Variants in KIAA1958 observed in about 807,000 individuals in gnomAD.
KIAA1958 encodes KIAA1958.
KIAA1958 carries 14 observed loss-of-function variants against 47.2 expected under a neutral mutation model. That is an observed-to-expected ratio of 0.30 (90% CI 0.20 to 0.46). The LOEUF is 0.46. Ranked by LOEUF, KIAA1958 falls within the 20% of genes least tolerant of loss-of-function variation. KIAA1958 has a pLI of 1.00. For missense variants in KIAA1958, 803 were observed against 909.2 expected (o/e 0.88, Z 1.50); for synonymous variants, 354 against 353.3 (o/e 1.00, Z -0.02).
At chr9:112,560,040 T>A (rs1003939275) in intron 1 of KIAA1958, among the ~76,000 whole-genome samples, 2 of 151,964 alleles carry the variant, frequency 1.3e-5, no homozygotes, top group Admixed American at 1.3e-4. Context: ...AATTTTGAGG[T>A]ATTTATAAGT....
At chr9:112,623,489 T>G (rs2131221604) in intron 2 of KIAA1958, among the ~76,000 whole-genome samples, 1 of 152,332 alleles carries the variant, frequency 6.6e-6, no homozygotes, top group African/African-American at 2.4e-5. Context: ...CTGTAGACCC[T>G]CTGAAGTTAT....
At chr9:112,518,700 A>T (rs897809042) in intron 1 of KIAA1958, among the ~76,000 whole-genome samples, 1 of 152,308 alleles carries the variant, frequency 6.6e-6, no homozygotes, top group East Asian at 1.9e-4. Context: ...CAAATTGTAC[A>T]TTTAAAATAT....
chr9:112,521,248 G>C (rs1028643504), intron 1 of KIAA1958, among the ~76,000 whole-genome samples: 1 of 152,186 alleles, frequency 6.6e-6, no homozygotes, highest in East Asian at 1.9e-4. Context: ...TTGCTCTGTT[G>C]CCCAGGCTGG....
At chr9:112,538,081 A>G (rs1834885083) in intron 1 of KIAA1958, among the ~76,000 whole-genome samples, 1 of 152,234 alleles carries the variant, frequency 6.6e-6, no homozygotes, top group South Asian at 2.1e-4. Flanking sequence ...CCGTAATCCC[A>G]GCTCTATGGG....
chr9:112,635,060 A>G (rs922168741), intron 2 of KIAA1958, among the ~76,000 whole-genome samples: 1 of 151,958 alleles, frequency 6.6e-6, no homozygotes, highest in Non-Finnish European at 1.5e-5. Context: ...CTTTTATTGT[A>G]TTATTCTTGG....
At position 112,509,408 on chromosome 9, in the gene KIAA1958, T is replaced by G. The variant is rs34058207; in HGVS notation, c.-25+22290T>G. Among the ~76,000 whole-genome samples, 1,304 of 151,696 alleles carry G rather than the reference T, an allele frequency of 8.6e-3. 7 individuals carry two copies. Among genetic ancestry groups the G allele is most frequent in the Middle Eastern group, 0.021 (6 of 290 alleles). The stretch of plus-strand genomic sequence containing the variant: ...TAGAGGTGGGGTTTCACCATGTTGG[T>G]CAGGCTCATCTCGAACTCCTGACCT... On this transcript the variant is annotated intron_variant, in intron 1 of 3. Coordinates refer to ENST00000337530, the MANE Select transcript of KIAA1958 (RefSeq NM_133465.4).
chr9:112,629,132 G>T (rs1336082765), intron 2 of KIAA1958, among the ~76,000 whole-genome samples: 1 of 151,988 alleles, frequency 6.6e-6, no homozygotes, highest in Non-Finnish European at 1.5e-5. Context: ...CTATCCCTTG[G>T]AAGTTAATTG....
At chr9:112,560,109 G>A (rs1236208682) in intron 1 of KIAA1958, among the ~76,000 whole-genome samples, 3 of 151,286 alleles carry the variant, frequency 2.0e-5, no homozygotes, top group South Asian at 4.2e-4. Context: ...ATGTTGCCTA[G>A]GCTGGTCTTG....
At chr9:112,625,831 C>T (rs1836600154) in intron 2 of KIAA1958, among the ~76,000 whole-genome samples, 1 of 152,122 alleles carries the variant, frequency 6.6e-6, no homozygotes, top group South Asian at 2.1e-4. Flanking sequence ...TTCTTTGATT[C>T]TAACAAACAT....
intron 1 of KIAA1958, among the ~76,000 whole-genome samples, chr9:112,529,202 A>G (rs1366530799): frequency 6.6e-6 from 1 of 152,224 alleles, no homozygotes; most frequent in Non-Finnish European, 1.5e-5. Flanking sequence ...TTAATCTAGT[A>G]CATATATAAT....
intron 2 of KIAA1958, among the ~76,000 whole-genome samples, chr9:112,641,291 C>CA (rs1416342673): frequency 2.0e-5 from 3 of 147,994 alleles, no homozygotes; most frequent in African/African-American, 7.4e-5. Flanking sequence ...TCTTCATTTA[C>CA]AGTCTTTTTC....
intron 1 of KIAA1958, among the ~76,000 whole-genome samples, chr9:112,530,287 T>A (rs779038024): frequency 3.3e-5 from 5 of 152,262 alleles, no homozygotes; most frequent in Non-Finnish European, 7.3e-5. Flanking sequence ...CATACTACTT[T>A]GTTGCTCAAA....
chr9:112,528,304 C>G (rs1834695770), intron 1 of KIAA1958, among the ~76,000 whole-genome samples: 1 of 152,160 alleles, frequency 6.6e-6, no homozygotes, highest in Non-Finnish European at 1.5e-5. Flanking sequence ...CAGAATGTTT[C>G]TGCATCCCCC....
chr9:112,487,360 A>ACC (rs886126213), intron 1 of KIAA1958, among the ~76,000 whole-genome samples: 1 of 148,130 alleles, frequency 6.8e-6, no homozygotes, highest in Non-Finnish European at 1.5e-5. Flanking sequence ...AGGCGCAGAG[A>ACC]CCCCCGGTGG....
rs182282126 is a variant in KIAA1958, at chr9:112,546,977, T to C, written c.-24-27080T>C. Among the ~76,000 whole-genome samples the C allele has an allele frequency of 2.5e-3, 370 of 149,764 alleles. 6 individuals carry two copies. The highest frequency in any genetic ancestry group is 0.021 in the East Asian group (105 of 4,900). ...ATATATTTTTTGAGACAGTCCCGTC[T>C]GCTGCCCAAGCTGGGGTGTGGTGGT... On this transcript the variant is annotated intron_variant, in intron 1 of 3. Coordinates refer to ENST00000337530, the MANE Select transcript of KIAA1958 (RefSeq NM_133465.4).
intron 2 of KIAA1958, among the ~76,000 whole-genome samples, chr9:112,629,331 T>G (rs1331345542): frequency 1.3e-5 from 2 of 152,220 alleles, no homozygotes; most frequent in East Asian, 3.8e-4. Context: ...GTTATTTTTA[T>G]ATATTTTTTC....
chr9:112,600,268 T>G (rs933353066), intron 2 of KIAA1958, among the ~76,000 whole-genome samples: 1 of 152,198 alleles, frequency 6.6e-6, no homozygotes, highest in African/African-American at 2.4e-5. Flanking sequence ...TTTTGTGTCT[T>G]GGTAGATTCA....
chr9:112,598,827 T>C (rs1027574854), intron 2 of KIAA1958, among the ~76,000 whole-genome samples: 7 of 152,094 alleles, frequency 4.6e-5, no homozygotes, highest in Non-Finnish European at 1.0e-4. Flanking sequence ...TCCTAGCACT[T>C]TGACTTTGGG....
At chr9:112,623,953 C>A (rs1011411018) in intron 2 of KIAA1958, among the ~76,000 whole-genome samples, 8 of 152,122 alleles carry the variant, frequency 5.3e-5, no homozygotes, top group African/African-American at 1.9e-4. Flanking sequence ...CTTAATCAGC[C>A]CTCTTCTGAC....
Sources: gnomAD v4.1 joint callset for allele counts (sites outside exome capture counted in the v4.1 genomes callset) on GRCh38, gnomAD v4.1.1 for gene constraint, MANE v1.5 for transcripts, NCBI Gene and HGNC (gene_info 2026-07-23, HGNC 2026-07-21) for gene names.